The following TBC1D5 variants were observed in gnomAD, a reference collection of about 807,000 sequenced individuals.
The protein encoded by TBC1D5 is TBC1 domain family, member 5.
In TBC1D5, 75 loss-of-function variants were observed where a neutral mutation model predicts 100.3. That is an observed-to-expected ratio of 0.75 (90% CI 0.62 to 0.91). The LOEUF is 0.91. Ranked by LOEUF, TBC1D5 falls within the 40% of genes least tolerant of loss-of-function variation. The probability of loss-of-function intolerance (pLI) is 0.00; values close to 1 mark genes in which losing one functional copy is unlikely to be tolerated. For missense variants in TBC1D5, 910 were observed against 942.4 expected, an observed-to-expected ratio of 0.97 and a Z score of 0.45; for synonymous variants, 323 against 325.6, an observed-to-expected ratio of 0.99 and a Z score of 0.09.
At chr3:17,616,485 G>T (rs952477783) in intron 2 of TBC1D5, among the ~76,000 whole-genome samples, 3 of 152,086 alleles carry the variant, frequency 2.0e-5, no homozygotes, top group Non-Finnish European at 4.4e-5. Flanking sequence ...ACTGACAGTG[G>T]AATGTTAAAG....
chr3:17,246,113 TA>T (rs2149201699), intron 16 of TBC1D5, among the ~76,000 whole-genome samples: 1 of 152,136 alleles, frequency 6.6e-6, no homozygotes, highest in East Asian at 1.9e-4. Context: ...GGTTTGAAGG[TA>T]GGGGTACAGA....
intron 2 of TBC1D5, among the ~76,000 whole-genome samples, chr3:17,522,084 T>C (rs759431309): frequency 6.6e-6 from 1 of 152,046 alleles, no homozygotes; most frequent in Non-Finnish European, 1.5e-5. Context: ...ACATAACATA[T>C]AAATATATAT....
chr3:17,449,497 G>A (rs1425952204), intron 3 of TBC1D5, among the ~76,000 whole-genome samples: 3 of 152,160 alleles, frequency 2.0e-5, no homozygotes, highest in Admixed American at 6.5e-5. Context: ...TGAAATTCTC[G>A]CTGCCAGCAC....
At chr3:17,276,604 G>A (rs2080038931) in intron 15 of TBC1D5, among the ~76,000 whole-genome samples, 1 of 152,186 alleles carries the variant, frequency 6.6e-6, no homozygotes, top group South Asian at 2.1e-4. Flanking sequence ...ATGTAAGATT[G>A]AGGGTCACAA....
intron 2 of TBC1D5, among the ~76,000 whole-genome samples, chr3:17,552,003 C>T (rs1396196385): frequency 1.3e-5 from 2 of 152,080 alleles, no homozygotes; most frequent in African/African-American, 4.8e-5. Flanking sequence ...CCATCTTCAA[C>T]ATCTGCAGCA....
rs1172462518 is a variant in TBC1D5 at position 17,388,697 on chromosome 3, A to C, written c.510-4682T>G. ...GACCCTGCCTTTACAAAAAAAAAAA[A>C]AAAAAGTAAAAGTAAATTAGCTGGG... is the stretch of plus-strand genomic sequence containing the variant. On this transcript the variant is annotated intron_variant, in intron 8 of 21. Coordinates refer to ENST00000253692, the Ensembl canonical transcript of TBC1D5. 4.0e-5 allele frequency among the ~76,000 whole-genome samples: 6 copies of C among 151,434 alleles called. No individual in the cohort carries two copies. In the East Asian group the frequency reaches 9.8e-4, roughly 25 times the overall value.
intron 3 of TBC1D5, among the ~76,000 whole-genome samples, chr3:17,507,483 T>G (rs1359383757): frequency 1.3e-5 from 2 of 152,142 alleles, no homozygotes; most frequent in African/African-American, 4.8e-5. Context: ...CTGCATAAAA[T>G]TTGTGTTCTA....
chr3:17,208,290 T>C (rs2072503986), intron 18 of TBC1D5, among the ~76,000 whole-genome samples: 1 of 152,248 alleles, frequency 6.6e-6, no homozygotes, highest in South Asian at 2.1e-4. Context: ...ATACTTCATG[T>C]CTATCATGAG....
At chr3:17,486,494 C>A (rs1460379874) in intron 3 of TBC1D5, among the ~76,000 whole-genome samples, 2 of 152,166 alleles carry the variant, frequency 1.3e-5, no homozygotes, top group Admixed American at 1.3e-4. Context: ...AGTCTTTAAT[C>A]CATCTTTTAA....
chr3:17,449,424 C>A (rs1045304799), intron 3 of TBC1D5, among the ~76,000 whole-genome samples: 5 of 152,066 alleles, frequency 3.3e-5, no homozygotes, highest in Non-Finnish European at 7.4e-5. Flanking sequence ...AGCCAGGGAG[C>A]CAACTGGTTT....
At chr3:17,737,915 T>C (rs4908969) in intron 1 of TBC1D5, among the ~76,000 whole-genome samples, 78,667 of 151,962 alleles carry the variant, frequency 0.52, 22,098 homozygotes, top group East Asian at 0.98. Context: ...TTCCTGGAGT[T>C]AGCCACAGAA....
At chr3:17,370,083 A>C (rs1233979541) in intron 13 of TBC1D5, among the ~76,000 whole-genome samples, 1 of 152,146 alleles carries the variant, frequency 6.6e-6, no homozygotes, top group African/African-American at 2.4e-5. Context: ...AAATTCTATA[A>C]ATTATTCTGA....
chr3:17,424,407 G>A (rs1341955174), intron 4 of TBC1D5, among the ~76,000 whole-genome samples: 1 of 152,140 alleles, frequency 6.6e-6, no homozygotes, highest in Non-Finnish European at 1.5e-5. Flanking sequence ...TGATAATCAG[G>A]AAATGACTTT....
rs34625799 is a variant in TBC1D5, at chr3:17,596,700, CAAAAAAAAA to C, written c.-36+27140_-36+27148del. ...CAGGCAACAATGAGAGACTCCATCTCAAAAAAAAAAAAAAAAAAAAAGAATAAAAGCTTA... is the reference window on the plus strand; with the variant it reads ...CAGGCAACAATGAGAGACTCCATCTCAAAAAAAAAAAAGAATAAAAGCTTA... On this transcript the variant is annotated intron_variant, in intron 2 of 21. Coordinates refer to ENST00000253692, the Ensembl canonical transcript of TBC1D5. Among the ~76,000 whole-genome samples the C allele has an allele frequency of 1.3e-4, 6 of 44,940 alleles. No individual in the cohort carries two copies. In the East Asian group the frequency reaches 3.7e-3, roughly 27 times the overall value. The allele number at this position is 44,940 out of a possible 152,430, so 29.5% of individuals were successfully genotyped here. A position where few individuals can be genotyped will look rare whatever the true frequency, so the allele number is the denominator to read the frequency against.
intron 21 of TBC1D5, among the ~76,000 whole-genome samples, chr3:17,163,855 A>G (rs6775993): frequency 0.32 from 49,381 of 152,082 alleles, 8,727 homozygotes; most frequent in East Asian, 0.59. Context: ...TTAATTTTAA[A>G]TAGATAGATA....
At chr3:17,218,754 T>C (rs948955394) in intron 17 of TBC1D5, among the ~76,000 whole-genome samples, 3 of 152,036 alleles carry the variant, frequency 2.0e-5, no homozygotes, top group Non-Finnish European at 4.4e-5. Flanking sequence ...CTCTCTGGTT[T>C]TTGATGAGAA....
At chr3:17,535,498 T>C (rs2096273145) in intron 2 of TBC1D5, among the ~76,000 whole-genome samples, 1 of 152,202 alleles carries the variant, frequency 6.6e-6, no homozygotes, top group Admixed American at 6.5e-5. Flanking sequence ...GTGCCATGTG[T>C]GCTGCGATAG....
intron 4 of TBC1D5, 37 bp downstream of exon 4, chr3:17,428,405 GTGTGTGTA>G: frequency 4.0e-6 from 2 of 495,558 alleles, no homozygotes; most frequent in Non-Finnish European, 3.0e-6. Flanking sequence ...ATGTGTGTGT[GTGTGTGTA>G]TATATATATA....
intron 17 of TBC1D5, among the ~76,000 whole-genome samples, chr3:17,232,654 C>CTA (rs1415804831): frequency 6.6e-6 from 1 of 152,110 alleles, no homozygotes; most frequent in Non-Finnish European, 1.5e-5. Context: ...AGACACAGAA[C>CTA]TATATATAGA....
Sources: gnomAD v4.1 joint callset for allele counts (sites outside exome capture counted in the v4.1 genomes callset) on GRCh38, gnomAD v4.1.1 for gene constraint, MANE v1.5 for transcripts, NCBI Gene and HGNC (gene_info 2026-07-23, HGNC 2026-07-21) for gene names.